The following UQCC1 variants were observed in gnomAD, a reference collection of about 807,000 sequenced individuals.
The protein encoded by UQCC1 is ubiquinol-cytochrome c reductase complex assembly factor 1, also known as bFGF-repressed Zic-binding protein.
UQCC1 carries 38 observed loss-of-function variants against 48.0 expected under a neutral mutation model. The ratio of observed to expected loss-of-function variants is 0.79; its 90% CI spans 0.61 to 1.04. UQCC1 has a LOEUF of 1.04. Among genes scored for constraint, UQCC1 ranks in the 50% least tolerant of loss-of-function variants. The pLI is 0.00. For missense variants in UQCC1, 368 were observed against 381.8 expected, an observed-to-expected ratio of 0.96 and a Z score of 0.30; for synonymous variants, 111 against 129.2, an observed-to-expected ratio of 0.86 and a Z score of 0.95.
chr20:35,363,489 C>A (rs1197998083), intron 6 of UQCC1, among the ~76,000 whole-genome samples: 2 of 152,018 alleles, frequency 1.3e-5, no homozygotes, highest in Admixed American at 6.6e-5. Flanking sequence ...GGAGGGTGTC[C>A]CAGTCCTAAA....
chr20:35,339,854 C>T (rs1226972761), intron 7 of UQCC1, among the ~76,000 whole-genome samples: 1 of 151,796 alleles, frequency 6.6e-6, no homozygotes, highest in Non-Finnish European at 1.5e-5. Flanking sequence ...CTTAGATGCA[C>T]AATTTTTTTT....
chr20:35,364,771 TC>T (rs2061647586), intron 6 of UQCC1, among the ~76,000 whole-genome samples: 1 of 152,242 alleles, frequency 6.6e-6, no homozygotes, highest in African/African-American at 2.4e-5. Context: ...TTCAAGGTTC[TC>T]CCATCTGCTG....
intron 5 of UQCC1, 112 bp downstream of exon 5, chr20:35,374,072 G>T: frequency 4.0e-6 from 3 of 754,950 alleles, no homozygotes; most frequent in Non-Finnish European, 4.4e-6. Flanking sequence ...TATGCTTTGT[G>T]CAGGAAAAAC....
chr20:35,372,634 G>C (rs1233748540), intron 5 of UQCC1, among the ~76,000 whole-genome samples: 1 of 152,216 alleles, frequency 6.6e-6, no homozygotes, highest in Admixed American at 6.5e-5. Context: ...GGGAGACTAA[G>C]GCAGGTGGAT....
intron 1 of UQCC1, among the ~76,000 whole-genome samples, chr20:35,399,653 T>G (rs2062131094): frequency 6.6e-6 from 1 of 151,934 alleles, no homozygotes; most frequent in Non-Finnish European, 1.5e-5. Context: ...GGTCAGGAGT[T>G]CGAGACCAGC....
chr20:35,325,797 T>C (rs1296537648), intron 7 of UQCC1, among the ~76,000 whole-genome samples: 1 of 151,746 alleles, frequency 6.6e-6, no homozygotes, highest in African/African-American at 2.4e-5. Context: ...AAGAATGGTA[T>C]GTGTAAAGGC....
At chr20:35,375,468 T>C (rs901097669) in intron 4 of UQCC1, among the ~76,000 whole-genome samples, 1 of 152,056 alleles carries the variant, frequency 6.6e-6, no homozygotes, top group Non-Finnish European at 1.5e-5. Flanking sequence ...ATAGGACATA[T>C]AGAAATAGAC....
chr20:35,367,105 A>C (rs1239110363), intron 5 of UQCC1, among the ~76,000 whole-genome samples: 1 of 150,562 alleles, frequency 6.6e-6, no homozygotes, highest in Non-Finnish European at 1.5e-5. Context: ...AAAAAAAAAA[A>C]AAAACAAACA....
At chr20:35,313,374 T>TAAAAA (rs1182863735) in intron 8 of UQCC1, among the ~76,000 whole-genome samples, 14 of 45,472 alleles carry the variant, frequency 3.1e-4, no homozygotes, top group African/African-American at 7.5e-4. Context: ...AGACTCTGTC[T>TAAAAA]AAAAAAAAAA....
chr20:35,303,760 G>T lies in UQCC1; in HGVS notation c.*175C>A. On this transcript the variant is annotated 3_prime_UTR_variant, in exon 10 of 10. Coordinates refer to ENST00000374385, the MANE Select transcript of UQCC1 (RefSeq NM_018244.5). The stretch of plus-strand genomic sequence containing the variant: ...GTTCTCCCAGCCCTGTACCCCAGCA[G>T]ATCAGACTCCTGGGCACACTAAGAG... The T allele has an allele frequency of 1.1e-6, 1 of 885,866 alleles. No homozygotes were observed. Among genetic ancestry groups the T allele is most frequent in the Non-Finnish European group, 1.7e-6 (1 of 575,256 alleles). The allele number at this position is 885,866 out of a possible 1,614,324, so 54.9% of individuals were successfully genotyped here. A position where few individuals can be genotyped will look rare whatever the true frequency, so the allele number is the denominator to read the frequency against.
At chr20:35,304,232 G>A (rs2146285989) in intron 9 of UQCC1, among the ~76,000 whole-genome samples, 163 bp from the exon 10 acceptor site, 1 of 152,292 alleles carries the variant, frequency 6.6e-6, no homozygotes, top group South Asian at 2.1e-4. Context: ...AGGCCAAGCC[G>A]TCTCTGATCT....
chr20:35,381,245 T>C (rs991264498), intron 4 of UQCC1, among the ~76,000 whole-genome samples: 7 of 152,178 alleles, frequency 4.6e-5, no homozygotes, highest in African/African-American at 1.7e-4. Context: ...AATTAGTTAA[T>C]AAAAAGATGA....
In UQCC1 at chr20:35,303,715, A is replaced by G; in HGVS notation, c.*220T>C. The G allele has an allele frequency of 1.7e-6, 1 of 601,870 alleles. No individual in the cohort carries two copies. Among genetic ancestry groups the G allele is most frequent in the Non-Finnish European group, 2.9e-6 (1 of 347,368 alleles). 37.3% of individuals were successfully genotyped at this position (601,870 alleles called of 1,614,324 possible). A position where few individuals can be genotyped will look rare whatever the true frequency, so the allele number is the denominator to read the frequency against. On this transcript the variant is annotated 3_prime_UTR_variant, in exon 10 of 10. Coordinates refer to ENST00000374385, the MANE Select transcript of UQCC1 (RefSeq NM_018244.5). ...CTCGGGGCTTCCCCTAAGGGAGAGGACACCCCGGGAGAGCTAGGGGTTCTC... is the reference window on the plus strand; with the variant it reads ...CTCGGGGCTTCCCCTAAGGGAGAGGGCACCCCGGGAGAGCTAGGGGTTCTC...
At chr20:35,397,382 G>C (rs2062095266) in intron 1 of UQCC1, among the ~76,000 whole-genome samples, 1 of 151,368 alleles carries the variant, frequency 6.6e-6, no homozygotes. Context: ...CAGGCGTGGT[G>C]GTGGGCGCCT....
chr20:35,332,891 T>A (rs183561462), intron 7 of UQCC1, among the ~76,000 whole-genome samples: 42 of 152,334 alleles, frequency 2.8e-4, no homozygotes, highest in African/African-American at 9.9e-4. Context: ...TCGTTTCATA[T>A]CTTAATTTCA....
At chr20:35,358,356 C>CAAAAAAA (rs1198006186) in intron 6 of UQCC1, among the ~76,000 whole-genome samples, 12 of 49,390 alleles carry the variant, frequency 2.4e-4, no homozygotes, top group African/African-American at 8.1e-4. Flanking sequence ...GACTCTGTCT[C>CAAAAAAA]AAAAAAAAAA....
At chr20:35,341,851 G>C (rs1046028199) in intron 7 of UQCC1, among the ~76,000 whole-genome samples, 2 of 152,136 alleles carry the variant, frequency 1.3e-5, no homozygotes, top group African/African-American at 4.8e-5. Flanking sequence ...TGTGAAGCAA[G>C]GATGGAATGT....
chr20:35,337,361 G>T (rs1421308181), intron 7 of UQCC1, among the ~76,000 whole-genome samples: 2 of 152,036 alleles, frequency 1.3e-5, no homozygotes, highest in Non-Finnish European at 2.9e-5. Flanking sequence ...GCTAATTTTT[G>T]TATTTTTAGT....
chr20:35,398,291 C>T (rs2062110505), intron 1 of UQCC1, among the ~76,000 whole-genome samples: 1 of 152,184 alleles, frequency 6.6e-6, no homozygotes, highest in African/African-American at 2.4e-5. Flanking sequence ...TAGATAATCA[C>T]CTCTGTGAGC....
Sources: allele counts gnomAD v4.1 joint callset (sites outside exome capture counted in the v4.1 genomes callset), GRCh38; gene constraint gnomAD v4.1.1; transcripts MANE v1.5; gene names NCBI Gene and HGNC (gene_info 2026-07-23, HGNC 2026-07-21).